The following DNM1 variants were observed in gnomAD, a reference collection of about 807,000 sequenced individuals.
DNM1 encodes the protein dynamin-1.
In DNM1, 29 loss-of-function variants were observed where a neutral mutation model predicts 104.6. The observed-to-expected ratio is 0.28, with a 90% CI of 0.21 to 0.38. DNM1 has a LOEUF of 0.38. Among genes scored for constraint, DNM1 ranks in the 10% least tolerant of loss-of-function variants. The probability of loss-of-function intolerance (pLI) is 1.00; values close to 1 mark genes in which losing one functional copy is unlikely to be tolerated. For synonymous variants in DNM1, 445 were observed against 475.8 expected, an observed-to-expected ratio of 0.94 and a Z score of 0.84; for missense variants, 640 against 1,189.4, an observed-to-expected ratio of 0.54 and a Z score of 6.79.
At position 128,222,391 on chromosome 9, in the gene DNM1, G is replaced by C. The variant is rs377620113; in HGVS notation, c.992+52G>C. 6.2e-7 allele frequency: 1 copy of C among 1,609,234 alleles called. No homozygotes were observed. Among genetic ancestry groups the C allele is most frequent in the East Asian group, 2.2e-5 (1 of 44,766 alleles). ...GAATCCCCGCCCCCAGCCTCTCAGC[G>C]TGGGGCTCTCCCAGGGTTCCCTTTG... is the stretch of plus-strand genomic sequence containing the variant. On this transcript the variant is annotated intron_variant, in intron 7 of 21. Coordinates refer to ENST00000372923, the MANE Select transcript of DNM1 (RefSeq NM_004408.4). The surrounding 1 kb of genome is among the most constrained non-coding windows in gnomAD (Gnocchi z 7.8).
In DNM1 at chr9:128,229,446, G is replaced by A. The variant is rs566422874; in HGVS notation, c.1336-4575G>A. Among the ~76,000 whole-genome samples the A allele has an allele frequency of 4.4e-4, 67 of 151,650 alleles. 2 individuals carry two copies. Among genetic ancestry groups the A allele is most frequent in the Admixed American group, 4.4e-3 (67 of 15,232 alleles). On this transcript the variant is annotated intron_variant, in intron 10 of 21. Coordinates refer to ENST00000372923, the MANE Select transcript of DNM1 (RefSeq NM_004408.4). ...ACCCTGTCTCTACAAAAAATAAAAA[G>A]ATTAGCTGGGCATGATGGCACACGC...
At chr9:128,231,055 G>A (rs542817245) in intron 10 of DNM1, among the ~76,000 whole-genome samples, 111 of 151,976 alleles carry the variant, frequency 7.3e-4, no homozygotes, top group Non-Finnish European at 1.1e-3. Flanking sequence ...TGCCTGCCTC[G>A]ACCTCCCAAA....
chr9:128,230,083 T>G (rs1835583354), intron 10 of DNM1, among the ~76,000 whole-genome samples: 1 of 151,542 alleles, frequency 6.6e-6, no homozygotes. Context: ...CTGGGTGTGG[T>G]GGCGGGTGCT....
At chr9:128,230,945 G>A (rs1380695649) in intron 10 of DNM1, among the ~76,000 whole-genome samples, 1 of 151,990 alleles carries the variant, frequency 6.6e-6, no homozygotes, top group East Asian at 1.9e-4. Flanking sequence ...TGTGATTAAA[G>A]GCATGTGCCA....
In DNM1 at chr9:128,247,916, C is replaced by T. The variant is rs912124924; in HGVS notation, c.1894-8C>T. 1 of 1,613,612 alleles carries T rather than the reference C, an allele frequency of 6.2e-7. No homozygotes were observed. Among genetic ancestry groups the T allele is most frequent in the Non-Finnish European group, 8.5e-7 (1 of 1,179,712 alleles). The stretch of plus-strand genomic sequence containing the variant: ...GGCGGTGGCAATGTTGGTGTGTGGG[C>T]CTCCCAGGACAAAGAGAAAGTGAGT... On this transcript the variant is annotated splice_polypyrimidine_tract_variant and splice_region_variant and intron_variant, in intron 17 of 21. Transcript: ENST00000372923. The surrounding 1 kb of genome is among the most constrained non-coding windows in gnomAD (Gnocchi z 5.1).
intron 15 of DNM1, among the ~76,000 whole-genome samples, chr9:128,244,553 C>A (rs533687661): frequency 6.6e-6 from 1 of 150,924 alleles, no homozygotes; most frequent in Non-Finnish European, 1.5e-5. Flanking sequence ...CAGTCTTCCT[C>A]GGCCACCCTT....
intron 1 of DNM1, among the ~76,000 whole-genome samples, chr9:128,212,154 G>A (rs991169409): frequency 6.6e-6 from 1 of 152,224 alleles, no homozygotes; most frequent in Non-Finnish European, 1.5e-5. Flanking sequence ...CCCCTGTTAG[G>A]TCCTTCCACA....
intron 20 of DNM1, 116 bp downstream of exon 20, chr9:128,250,472 G>A: frequency 1.7e-6 from 2 of 1,211,496 alleles, no homozygotes; most frequent in Non-Finnish European, 2.2e-6. Flanking sequence ...CCTGGAGCGA[G>A]GGGCGGAGCT....
chr9:128,247,186 C>T lies in DNM1; in HGVS notation c.1782-189C>T, dbSNP rs559022961. ...CTGAATCCTCAGTGACCCAAGGAGG[C>T]AGGAATTATTATTAACCCATCTTCC... On this transcript the variant is annotated intron_variant, in intron 16 of 21. Transcript: ENST00000372923. This position sits in a 1 kb window ranked among gnomAD's most constrained non-coding sequence, Gnocchi z 5.1. 12 of 510,108 alleles carry T rather than the reference C, an allele frequency of 2.4e-5. No individual in the cohort carries two copies. Among genetic ancestry groups the T allele is most frequent in the African/African-American group, 3.8e-5 (2 of 52,378 alleles). 31.6% of individuals were successfully genotyped at this position (510,108 alleles called of 1,614,324 possible).
At position 128,220,257 on chromosome 9, in the gene DNM1, A is replaced by G; in HGVS notation, c.765A>G (p.Glu255=). 6.2e-7 allele frequency: 1 copy of G among 1,614,184 alleles called. No individual in the cohort carries two copies. The highest frequency in any genetic ancestry group is 1.1e-5 in the South Asian group (1 of 91,088). ...KKDITAALAA[E]RKFFLSHPSY... is the part of the protein sequence containing the mutation. ...ACATTACCGCCGCCTTGGCTGCTGA[A>G]CGAAAGTTCTTCCTCTCCCATCCAT... The change falls in exon 6 of 22, where the codon GAA becomes GAG. Residue 255 remains glutamate, a synonymous_variant. Transcript: ENST00000372923. The surrounding 1 kb of genome is among the most constrained non-coding windows in gnomAD (Gnocchi z 5.2).
At chr9:128,228,351 T>C (rs998206184) in intron 10 of DNM1, among the ~76,000 whole-genome samples, 1 of 151,958 alleles carries the variant, frequency 6.6e-6, no homozygotes, top group Non-Finnish European at 1.5e-5. Context: ...CCTAATAATT[T>C]TTTTGTTAAG....
chr9:128,254,044 C>G lies in DNM1; in HGVS notation c.2535-610C>G. On this transcript the variant is annotated intron_variant, in intron 21 of 21. Coordinates refer to ENST00000372923, the MANE Select transcript of DNM1 (RefSeq NM_004408.4). The surrounding 1 kb of genome is among the most constrained non-coding windows in gnomAD (Gnocchi z 6.1). ...GCCTCACCTACGAGACCTGCAGCCC[C>G]CCGACCAGCTGAGGCTCCCCTCTTA... The G allele has an allele frequency of 1.6e-6, 2 of 1,237,180 alleles. No homozygotes were observed. The highest frequency in any genetic ancestry group is 3.1e-4 in the Middle Eastern group (1 of 3,236). The allele number at this position is 1,237,180 out of a possible 1,614,324, so 76.6% of individuals were successfully genotyped here.
rs753427632 is a variant in DNM1 at position 128,220,728 on chromosome 9, T to TGCGCGC, written c.849+397_849+402dup. 6.1e-5 allele frequency among the ~76,000 whole-genome samples: 7 copies of TGCGCGC among 115,144 alleles called. No homozygotes were observed. The highest frequency in any genetic ancestry group is 1.1e-4 in the Non-Finnish European group (6 of 56,040). 75.5% of individuals were successfully genotyped at this position (115,144 alleles called of 152,430 possible). ...TGGAATGGGGCATCCAGAACTGAAG[T>TGCGCGC]GCGCGCGCGCGCGCGTGTGTGTGTG... is the stretch of plus-strand genomic sequence containing the variant. On this transcript the variant is annotated intron_variant, in intron 6 of 21. Coordinates refer to ENST00000372923, the MANE Select transcript of DNM1 (RefSeq NM_004408.4). The surrounding 1 kb of genome is among the most constrained non-coding windows in gnomAD (Gnocchi z 5.2).
intron 1 of DNM1, among the ~76,000 whole-genome samples, chr9:128,215,369 T>C (rs902754811): frequency 4.6e-5 from 7 of 152,236 alleles, no homozygotes; most frequent in African/African-American, 1.7e-4. Context: ...CCAGCATGCC[T>C]GAGGAGCATG....
At position 128,224,485 on chromosome 9, in the gene DNM1, A is replaced by G; in HGVS notation, c.1335+96A>G. The G allele has an allele frequency of 7.8e-7, 1 of 1,283,258 alleles. No individual in the cohort carries two copies. The highest frequency in any genetic ancestry group is 1.1e-6 in the Non-Finnish European group (1 of 921,504). 79.5% of individuals were successfully genotyped at this position (1,283,258 alleles called of 1,614,324 possible). ...CCATGTCCCCCCCTGCCTCCTCGGT[A>G]GCATGTACAGACCTCAGCGGGGTGG... On this transcript the variant is annotated intron_variant, in intron 10 of 21. Transcript: ENST00000372923. The surrounding 1 kb of genome is among the most constrained non-coding windows in gnomAD (Gnocchi z 4.3).
At chr9:128,242,501 T>C (rs1836431001) in intron 15 of DNM1, among the ~76,000 whole-genome samples, 156 bp downstream of exon 15, 1 of 152,146 alleles carries the variant, frequency 6.6e-6, no homozygotes, top group Non-Finnish European at 1.5e-5. Context: ...GGCTCACACC[T>C]ATAATCCCAG....
Position 128,224,147 on chromosome 9 carries a change from G to A in DNM1, c.1197-104G>A. 1.4e-6 allele frequency: 2 copies of A among 1,434,346 alleles called. No individual in the cohort carries two copies. Among genetic ancestry groups the A allele is most frequent in the Non-Finnish European group, 1.9e-6 (2 of 1,072,716 alleles). The allele number at this position is 1,434,346 out of a possible 1,614,324, so 88.9% of individuals were successfully genotyped here. A position where few individuals can be genotyped will look rare whatever the true frequency, so the allele number is the denominator to read the frequency against. ...AGGCCCAGAGAGGGGTAGTGGAAGGGCCCCTCAGGCAGAGTTCGTGGGCTT... is the reference window on the plus strand; with the variant it reads ...AGGCCCAGAGAGGGGTAGTGGAAGGACCCCTCAGGCAGAGTTCGTGGGCTT... On this transcript the variant is annotated intron_variant, in intron 9 of 21. Transcript: ENST00000372923. This position sits in a 1 kb window ranked among gnomAD's most constrained non-coding sequence, Gnocchi z 4.3.
intron 10 of DNM1, among the ~76,000 whole-genome samples, chr9:128,233,227 G>A (rs1032093467): frequency 1.3e-5 from 2 of 152,236 alleles, no homozygotes; most frequent in Non-Finnish European, 2.9e-5. Flanking sequence ...AAGGAGTGGG[G>A]TCGAGACAGT....
At chr9:128,206,232 G>T (rs957947409) in intron 1 of DNM1, among the ~76,000 whole-genome samples, 13 of 152,166 alleles carry the variant, frequency 8.5e-5, no homozygotes, top group African/African-American at 2.4e-4. Flanking sequence ...CATCAGGGCT[G>T]CCCCAGGCCC....
Sources: gnomAD v4.1 joint callset for allele counts (sites outside exome capture counted in the v4.1 genomes callset) on GRCh38, gnomAD v4.1.1 for gene constraint, Gnocchi (gnomAD v3.1) non-coding constraint, MANE v1.5 for transcripts, NCBI Gene and HGNC (gene_info 2026-07-23, HGNC 2026-07-21) for gene names.